The following BCKDK variants were observed in gnomAD, a reference collection of about 807,000 sequenced individuals.
The protein encoded by BCKDK is branched-chain alpha-ketoacid dehydrogenase kinase.
BCKDK carries 28 observed loss-of-function variants against 43.9 expected under a neutral mutation model. The observed-to-expected ratio is 0.64, with a 90% CI of 0.47 to 0.87. The LOEUF (loss-of-function observed/expected upper bound fraction) is 0.87, where lower values mean the gene tolerates loss of function less well. BCKDK is among the 40% of genes least tolerant of loss of function. The pLI is 0.00. For synonymous variants in BCKDK, 257 were observed against 234.3 expected (o/e 1.10, Z -0.88); for missense variants, 483 against 581.4 (o/e 0.83, Z 1.74).
Position 31,112,496 on chromosome 16 carries a change from C to T in BCKDK, c.*231C>T, listed in dbSNP as rs1477860066. On this transcript the variant is annotated 3_prime_UTR_variant, in exon 12 of 12. Transcript: ENST00000219794. This position sits in a 1 kb window ranked among gnomAD's most constrained non-coding sequence, Gnocchi z 5.0. ...AGTGGGCACCCTGAGGCCTCCAGCA[C>T]CAGTTCCGTCATTCTCGTTCCTGGG... The T allele has an allele frequency of 1.1e-5, 7 of 652,526 alleles. No homozygotes were observed. The highest frequency in any genetic ancestry group is 1.9e-5 in the Non-Finnish European group (7 of 370,480). 40.4% of individuals were successfully genotyped at this position (652,526 alleles called of 1,614,324 possible). A position where few individuals can be genotyped will look rare whatever the true frequency, so the allele number is the denominator to read the frequency against.
In BCKDK at chr16:31,109,260, G is replaced by A; in HGVS notation, c.37G>A (p.Gly13Ser). Residue 13 changes from glycine to serine, a missense_variant, in exon 2 of 12, where the codon GGC (glycine) becomes AGC (serine). Transcript: ENST00000219794. The surrounding 1 kb of genome is among the most constrained non-coding windows in gnomAD (Gnocchi z 5.3). ...LASVLRSGPG[G>S]GLPLRPLLGP... Reference sequence around the variant, plus strand: ...GTCGGTGCTGAGGAGCGGTCCCGGGGGCGGGCTTCCGCTCCGGCCCCTCCT... The same window carrying A: ...GTCGGTGCTGAGGAGCGGTCCCGGGAGCGGGCTTCCGCTCCGGCCCCTCCT... 1 of 1,556,958 alleles carries A rather than the reference G, an allele frequency of 6.4e-7. No individual in the cohort carries two copies. Among genetic ancestry groups the A allele is most frequent in the Non-Finnish European group, 8.7e-7 (1 of 1,153,080 alleles).
At chr16:31,113,690 A>G (rs1286033780), downstream of BCKDK, among the ~76,000 whole-genome samples, 1 of 152,064 alleles carries the variant, frequency 6.6e-6, no homozygotes, top group Non-Finnish European at 1.5e-5. Context: ...CCCGGGCTGG[A>G]CTTGAACTTC....
At chr16:31,117,492 A>C, downstream of BCKDK, 1 of 423,766 alleles carries the variant, frequency 2.4e-6, no homozygotes, top group Non-Finnish European at 4.1e-6. Context: ...ACGGAAAACC[A>C]GGAGCTCCAA....
At chr16:31,114,446 C>T (rs115204394), downstream of BCKDK, among the ~76,000 whole-genome samples, 1,335 of 152,002 alleles carry the variant, frequency 8.8e-3, 12 homozygotes, top group African/African-American at 0.031. Context: ...CTCCCAACCT[C>T]GTGATCCATC....
downstream of BCKDK, chr16:31,117,390 A>T (rs1438559011): frequency 2.0e-5 from 4 of 195,822 alleles, no homozygotes; most frequent in African/African-American, 9.4e-5. Flanking sequence ...ATAAATAAAT[A>T]AATAAATAAA....
rs1274715640 is a variant in BCKDK, at chr16:31,112,411, G to A, written c.*146G>A. 1.5e-6 allele frequency: 2 copies of A among 1,337,604 alleles called. No individual in the cohort carries two copies. The highest frequency in any genetic ancestry group is 2.1e-6 in the Non-Finnish European group (2 of 963,272). 82.9% of individuals were successfully genotyped at this position (1,337,604 alleles called of 1,614,324 possible). ...AGACAGATGGACTTACATGGAGCTG[G>A]GCACTGCCCTGCCTCAACAGGGTCC... is the stretch of plus-strand genomic sequence containing the variant. On this transcript the variant is annotated 3_prime_UTR_variant, in exon 12 of 12. Coordinates refer to ENST00000219794, the MANE Select transcript of BCKDK (RefSeq NM_005881.4). The surrounding 1 kb of genome is among the most constrained non-coding windows in gnomAD (Gnocchi z 5.0).
intron 10 of BCKDK, 100 bp downstream of exon 10, chr16:31,111,489 T>A: frequency 7.6e-7 from 1 of 1,314,282 alleles, no homozygotes; most frequent in Non-Finnish European, 1.1e-6. Context: ...TGCCCCATTC[T>A]GGGACTTGGT....
chr16:31,110,671 C>T lies in BCKDK; in HGVS notation c.643-17C>T, dbSNP rs375380019. The T allele has an allele frequency of 1.9e-5, 31 of 1,613,908 alleles. No individual in the cohort carries two copies. The Admixed American group carries it at 4.8e-4, about 25-fold the overall frequency. Reference sequence around the variant, plus strand: ...GGCTAGGGGCGTGGGTAGTCCTGACCTCCTTTCTCCGGCCAGCCTGACTTT... The same window carrying T: ...GGCTAGGGGCGTGGGTAGTCCTGACTTCCTTTCTCCGGCCAGCCTGACTTT... On this transcript the variant is annotated splice_polypyrimidine_tract_variant and intron_variant, in intron 7 of 11. Transcript: ENST00000219794. The surrounding 1 kb of genome is among the most constrained non-coding windows in gnomAD (Gnocchi z 5.4).
chr16:31,109,401 G>T lies in BCKDK; in HGVS notation c.178G>T (p.Asp60Tyr). ...VTSFYNQSAI[D>Y]AAAEKPSVRL... ...CTCCTTTTACAACCAGTCGGCCATC[G>T]ACGCGGCAGCGGAGAAGGTGCGCAA... is the stretch of plus-strand genomic sequence containing the variant. Residue 60 changes from aspartate to tyrosine, a missense_variant, in exon 2 of 12, where the codon GAC becomes TAC. By Grantham distance (160) the Asp-to-Tyr change is radical. Coordinates refer to ENST00000219794, the MANE Select transcript of BCKDK (RefSeq NM_005881.4). The surrounding 1 kb of genome is among the most constrained non-coding windows in gnomAD (Gnocchi z 5.3). 1 of 1,608,088 alleles carries T rather than the reference G, an allele frequency of 6.2e-7. No individual in the cohort carries two copies. Among genetic ancestry groups the T allele is most frequent in the Non-Finnish European group, 8.5e-7 (1 of 1,176,032 alleles).
chr16:31,114,293 C>G (rs572866223), downstream of BCKDK, among the ~76,000 whole-genome samples: 5 of 142,372 alleles, frequency 3.5e-5, 1 homozygote, highest in African/African-American at 7.8e-5. Flanking sequence ...CCGCCCCACC[C>G]CCCCCCAACC....
chr16:31,117,410 GGTTGA>G (rs2057455042), downstream of BCKDK: 1 of 264,424 alleles, frequency 3.8e-6, no homozygotes, highest in Admixed American at 7.4e-5. Context: ...ATTAAAAAAA[GGTTGA>G]GTTGAGTCAT....
chr16:31,112,433 G>A lies in BCKDK; in HGVS notation c.*168G>A, dbSNP rs1352784782. On this transcript the variant is annotated 3_prime_UTR_variant, in exon 12 of 12. Transcript: ENST00000219794. This position sits in a 1 kb window ranked among gnomAD's most constrained non-coding sequence, Gnocchi z 5.0. ...CTGGGCACTGCCCTGCCTCAACAGG[G>A]TCCATTGCCTCCTCGCCTCCAGAAC... 1.8e-6 allele frequency: 2 copies of A among 1,125,978 alleles called. No individual in the cohort carries two copies. The highest frequency in any genetic ancestry group is 1.5e-5 in the African/African-American group (1 of 65,072). The allele number at this position is 1,125,978 out of a possible 1,614,324, so 69.7% of individuals were successfully genotyped here. A position where few individuals can be genotyped will look rare whatever the true frequency, so the allele number is the denominator to read the frequency against.
Position 31,109,107 on chromosome 16 carries a change from A to G in BCKDK, c.-117A>G. 1 of 903,912 alleles carries G rather than the reference A, an allele frequency of 1.1e-6. No homozygotes were observed. Among genetic ancestry groups the G allele is most frequent in the Non-Finnish European group, 1.6e-6 (1 of 640,428 alleles). 56.0% of individuals were successfully genotyped at this position (903,912 alleles called of 1,614,324 possible). A position where few individuals can be genotyped will look rare whatever the true frequency, so the allele number is the denominator to read the frequency against. ...ATCCTCGACGCACCCTGGTCCCTGA[A>G]GTCGGAGAAGAGCCCCTACCCACCC... On this transcript the variant is annotated 5_prime_UTR_variant, in exon 2 of 12. Coordinates refer to ENST00000219794, the MANE Select transcript of BCKDK (RefSeq NM_005881.4). The surrounding 1 kb of genome is among the most constrained non-coding windows in gnomAD (Gnocchi z 5.3).
Position 31,112,022 on chromosome 16 carries a change from G to A in BCKDK, c.1089G>A (p.Met363Ile), listed in dbSNP as rs1377448969. 6.2e-7 allele frequency: 1 copy of A among 1,614,044 alleles called. No homozygotes were observed. The highest frequency in any genetic ancestry group is 2.2e-5 in the East Asian group (1 of 44,884). Residue 363 changes from methionine (M) to isoleucine (I), a missense_variant, in exon 11 of 12, where the codon ATG becomes ATA. Transcript: ENST00000219794. This position sits in a 1 kb window ranked among gnomAD's most constrained non-coding sequence, Gnocchi z 5.0. ...ATAGTGGCGCCCAGTCAGGACCCAT[G>A]CACGGGTGAGACCCTGCCAGGCCAG... ...DMHSGAQSGPMHGFGFGLPTS... is the reference protein window; with the variant it reads ...DMHSGAQSGPIHGFGFGLPTS...
At position 31,112,379 on chromosome 16, in the gene BCKDK, G is replaced by T; in HGVS notation, c.*114G>T. The T allele has an allele frequency of 6.6e-7, 1 of 1,518,220 alleles. No homozygotes were observed. Among genetic ancestry groups the T allele is most frequent in the Non-Finnish European group, 9.0e-7 (1 of 1,114,792 alleles). The allele number at this position is 1,518,220 out of a possible 1,614,324, so 94.0% of individuals were successfully genotyped here. A position where few individuals can be genotyped will look rare whatever the true frequency, so the allele number is the denominator to read the frequency against. On this transcript the variant is annotated 3_prime_UTR_variant, in exon 12 of 12. Transcript: ENST00000219794. This position sits in a 1 kb window ranked among gnomAD's most constrained non-coding sequence, Gnocchi z 5.0. ...ACACACTGCTGCATCTTGGGTCTCAGGGACCCAGACAGATGGACTTACATG... is the reference window on the plus strand; with the variant it reads ...ACACACTGCTGCATCTTGGGTCTCATGGACCCAGACAGATGGACTTACATG...
Position 31,109,852 on chromosome 16 carries a change from A to G in BCKDK, c.375+69A>G, listed in dbSNP as rs2057395939. On this transcript the variant is annotated intron_variant, in intron 4 of 11. Coordinates refer to ENST00000219794, the MANE Select transcript of BCKDK (RefSeq NM_005881.4). This position sits in a 1 kb window ranked among gnomAD's most constrained non-coding sequence, Gnocchi z 5.3. Reference sequence around the variant, plus strand: ...GGGGCAAGTGGGGAGTCTGGGGCCCAGAGTGGCAGACGATTGCTTGCCTAA... The same window carrying G: ...GGGGCAAGTGGGGAGTCTGGGGCCCGGAGTGGCAGACGATTGCTTGCCTAA... 1.3e-6 allele frequency: 2 copies of G among 1,524,826 alleles called. No homozygotes were observed. Among genetic ancestry groups the G allele is most frequent in the East Asian group, 2.3e-5 (1 of 44,332 alleles). The allele number at this position is 1,524,826 out of a possible 1,614,324, so 94.5% of individuals were successfully genotyped here. A position where few individuals can be genotyped will look rare whatever the true frequency, so the allele number is the denominator to read the frequency against.
At chr16:31,113,266 G>A (rs2057428171), downstream of BCKDK, among the ~76,000 whole-genome samples, 3 of 152,216 alleles carry the variant, frequency 2.0e-5, no homozygotes, top group Admixed American at 2.0e-4. Context: ...CCTGAGGCTG[G>A]CTCTAGGCCT....
chr16:31,111,459 T>C, intron 10 of BCKDK, 70 bp downstream of exon 10: 3 of 1,532,018 alleles, frequency 2.0e-6, no homozygotes, highest in Non-Finnish European at 2.7e-6. Context: ...TGACTTGATT[T>C]AGGACCTTGA....
chr16:31,111,828 T>G (rs201881945), intron 10 of BCKDK, 41 bp from the exon 11 acceptor site: 1 of 1,610,588 alleles, frequency 6.2e-7, no homozygotes, highest in African/African-American at 1.3e-5. Flanking sequence ...GAGTACCCCA[T>G]CAAAGCTGAG....
Sources: gnomAD v4.1 joint callset for allele counts (sites outside exome capture counted in the v4.1 genomes callset) on GRCh38, gnomAD v4.1.1 for gene constraint, Gnocchi (gnomAD v3.1) non-coding constraint, MANE v1.5 for transcripts, NCBI Gene and HGNC (gene_info 2026-07-23, HGNC 2026-07-21) for gene names.